The following ACSL4 variants were observed in gnomAD, a reference collection of about 807,000 sequenced individuals.
ACSL4 encodes the protein long-chain-fatty-acid--CoA ligase 4.
A neutral mutation model predicts 49.1 loss-of-function variants in ACSL4; 9 were observed. The observed-to-expected ratio is 0.18, with a 90% CI of 0.11 to 0.32. The LOEUF is 0.32. Ranked by LOEUF, ACSL4 falls within the 10% of genes least tolerant of loss-of-function variation. The pLI is 1.00. For missense variants in ACSL4, 333 were observed against 493.7 expected (o/e 0.67, Z 3.08); for synonymous variants, 191 against 170.3 (o/e 1.12, Z -0.95).
At chrX:109,678,153 G>C (rs376339515) in intron 7 of ACSL4, 42 bp from the exon 8 acceptor site, 194 of 1,206,061 alleles carry the variant, frequency 1.6e-4, no homozygotes, top group Middle Eastern at 4.6e-4. Flanking sequence ...TTCTTGAAAA[G>C]GCATTTGAAG....
chrX:109,687,684 C>T lies in ACSL4; in HGVS notation c.-12-4309G>A, dbSNP rs373266402. ...GGCACGTGTATACCTATGTAACAAACCTGCACGTTCTGCACATGTATCCCA... is the reference window on the plus strand; with the variant it reads ...GGCACGTGTATACCTATGTAACAAATCTGCACGTTCTGCACATGTATCCCA... On this transcript the variant is annotated intron_variant, in intron 2 of 15. Coordinates refer to ENST00000672401, the MANE Select transcript of ACSL4 (RefSeq NM_001318510.2). Among the ~76,000 whole-genome samples, 18 of 111,779 alleles carry T rather than the reference C, an allele frequency of 1.6e-4. No homozygotes were observed. The South Asian group carries it at 6.7e-3, about 42-fold the overall frequency.
intron 4 of ACSL4, among the ~76,000 whole-genome samples, chrX:109,681,668 T>A (rs969733097): frequency 5.4e-5 from 6 of 111,997 alleles, no homozygotes; most frequent in Non-Finnish European, 1.1e-4. Flanking sequence ...TCAAGGCCAA[T>A]AGGTACTGGC....
intron 1 of ACSL4, among the ~76,000 whole-genome samples, chrX:109,705,511 C>T (rs778848713): frequency 1.1e-4 from 12 of 112,440 alleles, no homozygotes; most frequent in Non-Finnish European, 2.1e-4. Context: ...CTGAAATCTC[C>T]GGTTTCTGAA....
chrX:109,652,127 TATG>T (rs761089920), intron 15 of ACSL4, among the ~76,000 whole-genome samples: 1 of 112,044 alleles, frequency 8.9e-6, no homozygotes, highest in South Asian at 3.7e-4. Flanking sequence ...TTTGCATTCT[TATG>T]ATACTATGTA....
chrX:109,711,539 A>G (rs1254086622), intron 1 of ACSL4, among the ~76,000 whole-genome samples: 2 of 112,467 alleles, frequency 1.8e-5, no homozygotes. Flanking sequence ...ATGAGACTTA[A>G]AAGAGTTGAT....
intron 8 of ACSL4, among the ~76,000 whole-genome samples, chrX:109,675,498 T>C (rs1048591858): frequency 1.8e-5 from 2 of 111,806 alleles, no homozygotes; most frequent in Non-Finnish European, 3.8e-5. Flanking sequence ...GTAAAGTTCA[T>C]TTAAAAAGTA....
chrX:109,671,236 C>T (rs758272773), intron 9 of ACSL4, among the ~76,000 whole-genome samples: 31 of 110,606 alleles, frequency 2.8e-4, no homozygotes, highest in African/African-American at 8.2e-4. Flanking sequence ...TCTGCCCTGC[C>T]GCCCCATCTG....
chrX:109,718,468 T>G (rs764816050), intron 1 of ACSL4, among the ~76,000 whole-genome samples: 2 of 112,544 alleles, frequency 1.8e-5, no homozygotes, highest in South Asian at 7.2e-4. Flanking sequence ...AGAAATCCCA[T>G]AGTCAGCCAG....
chrX:109,708,409 C>A (rs1403882574), intron 1 of ACSL4, among the ~76,000 whole-genome samples: 1 of 111,745 alleles, frequency 8.9e-6, no homozygotes, highest in African/African-American at 3.3e-5. Context: ...GAATATGGTC[C>A]AAAAGGTGTT....
chrX:109,673,667 T>C (rs896845624), intron 9 of ACSL4, among the ~76,000 whole-genome samples: 1 of 112,235 alleles, frequency 8.9e-6, no homozygotes, highest in African/African-American at 3.2e-5. Context: ...CACTTTCTTA[T>C]CTAATCTCAG....
At position 109,644,070 on chromosome X, in the gene ACSL4, G is replaced by A. The variant is rs898008437; in HGVS notation, c.1972C>T (p.His658Tyr). 2 of 1,211,021 alleles carry A rather than the reference G, an allele frequency of 1.7e-6. No homozygotes were observed. Among genetic ancestry groups the A allele is most frequent in the Non-Finnish European group, 2.2e-6 (2 of 895,021 alleles). Reference protein sequence around the residue: ...FKLKRKELRNHYLKDIERMYG... With the variant: ...FKLKRKELRNYYLKDIERMYG... Reference sequence around the variant, plus strand: ...ATTCGTTCAATGTCTTTGAGGTAATGGTTCCTCAGCTCCTTCCTTTTCAGT... The same window carrying A: ...ATTCGTTCAATGTCTTTGAGGTAATAGTTCCTCAGCTCCTTCCTTTTCAGT... Residue 658 changes from histidine (H) to tyrosine (Y), a missense_variant, in exon 16 of 16, where the codon CAT (histidine) becomes TAT (tyrosine). By Grantham distance (83) the His-to-Tyr change is moderately conservative. This residue lies in a region of ACSL4 where 175 missense variants were observed against 275.8 expected (regional missense o/e 0.63). Transcript: ENST00000672401.
At chrX:109,697,335 G>A (rs903645171) in intron 1 of ACSL4, among the ~76,000 whole-genome samples, 3 of 111,590 alleles carry the variant, frequency 2.7e-5, no homozygotes, top group Non-Finnish European at 5.6e-5. Flanking sequence ...ATAACCCTTC[G>A]AGTTTTTTGT....
intron 1 of ACSL4, among the ~76,000 whole-genome samples, chrX:109,698,639 G>A (rs1925633248): frequency 9.0e-6 from 1 of 111,381 alleles, no homozygotes; most frequent in Non-Finnish European, 1.9e-5. Context: ...AGAAAAAAGA[G>A]ATAATACAGC....
In ACSL4 at chrX:109,682,795, G is replaced by A; in HGVS notation, c.330C>T (p.Asn110=). 8.3e-7 allele frequency: 1 copy of A among 1,211,697 alleles called. No individual in the cohort carries two copies. Among genetic ancestry groups the A allele is most frequent in the Non-Finnish European group, 1.1e-6 (1 of 895,416 alleles). Reference sequence around the variant, plus strand: ...TGGTCTCACAGAAGATGGCAATGGTGTTCTTTGGTTTTAGTCCCAGTGCAG... The same window carrying A: ...TGGTCTCACAGAAGATGGCAATGGTATTCTTTGGTTTTAGTCCCAGTGCAG... ...GLTALGLKPK[N]TIAIFCETRA... Residue 110 remains asparagine (N), a synonymous_variant, in exon 4 of 16, where the codon AAC becomes AAT. Transcript: ENST00000672401.
chrX:109,679,022 T>C (rs1050215639), intron 6 of ACSL4, among the ~76,000 whole-genome samples: 3 of 111,947 alleles, frequency 2.7e-5, no homozygotes, highest in Non-Finnish European at 5.6e-5. Context: ...TTCTCATCTC[T>C]AAAATAAGAC....
intron 1 of ACSL4, among the ~76,000 whole-genome samples, chrX:109,718,405 A>T (rs1225314050): frequency 2.7e-5 from 3 of 112,367 alleles, no homozygotes; most frequent in Non-Finnish European, 3.8e-5. Flanking sequence ...TTTTCACTGG[A>T]GACTGATCAT....
rs766457257 is a variant in ACSL4, at chrX:109,641,471, T to C, written c.*2558A>G. 87 of 113,228 alleles carry C rather than the reference T, an allele frequency of 7.7e-4. No homozygotes were observed. Among genetic ancestry groups the C allele is most frequent in the African/African-American group, 2.7e-3 (83 of 31,192 alleles). The allele number at this position is 113,228 out of a possible 1,213,427, so 9.3% of individuals were successfully genotyped here. A position where few individuals can be genotyped will look rare whatever the true frequency, so the allele number is the denominator to read the frequency against. On this transcript the variant is annotated 3_prime_UTR_variant, in exon 16 of 16. Transcript: ENST00000672401. ...TGCATTTTAACAGAAAGTACAAATA[T>C]GAATACATTATAATTTGTAACTGCA...
At position 109,643,160 on chromosome X, in the gene ACSL4, C is replaced by G. The variant is rs1299112518; in HGVS notation, c.*869G>C. The G allele has an allele frequency of 8.9e-6, 1 of 112,014 alleles. No individual in the cohort carries two copies. 9.2% of individuals were successfully genotyped at this position (112,014 alleles called of 1,213,427 possible). ...TGTGCAAGGGTTCTAATTCCAAATACTTATGATTTTATCACCTTTTCTAAG... is the reference window on the plus strand; with the variant it reads ...TGTGCAAGGGTTCTAATTCCAAATAGTTATGATTTTATCACCTTTTCTAAG... On this transcript the variant is annotated 3_prime_UTR_variant, in exon 16 of 16. Transcript: ENST00000672401.
At chrX:109,645,212 G>A (rs1441064515) in intron 15 of ACSL4, among the ~76,000 whole-genome samples, 2 of 113,133 alleles carry the variant, frequency 1.8e-5, no homozygotes, top group Non-Finnish European at 3.8e-5. Flanking sequence ...CTCCACCTCT[G>A]GGGGCAGGGC....
Sources: allele counts gnomAD v4.1 joint callset (sites outside exome capture counted in the v4.1 genomes callset), GRCh38; gene constraint gnomAD v4.1.1; regional missense constraint gnomAD v4.1.1; transcripts MANE v1.5; gene names NCBI Gene and HGNC (gene_info 2026-07-23, HGNC 2026-07-21).